TBC1D19: variants seen among roughly 807,000 people sequenced by gnomAD.
The protein encoded by TBC1D19 is TBC1 domain family, member 19.
In TBC1D19, 60 loss-of-function variants were observed where a neutral mutation model predicts 89.0. The ratio of observed to expected loss-of-function variants is 0.67; its 90% CI spans 0.55 to 0.84. The LOEUF (loss-of-function observed/expected upper bound fraction) is 0.84, where lower values mean the gene tolerates loss of function less well. TBC1D19 is among the 40% of genes least tolerant of loss of function. The pLI is 0.00. For synonymous variants in TBC1D19, 189 were observed against 199.7 expected, an observed-to-expected ratio of 0.95 and a Z score of 0.45; for missense variants, 500 against 610.8, an observed-to-expected ratio of 0.82 and a Z score of 1.91.
At chr4:26,825,437 T>C in the TBC1D19 span, among the ~76,000 whole-genome samples, 1 of 152,166 alleles carries the variant, frequency 6.6e-6, no homozygotes, top group Non-Finnish European at 1.5e-5. Context: ...AGTAACTAGG[T>C]ATATAAGGGC....
In TBC1D19 at chr4:26,605,457, T is replaced by G; in HGVS notation, c.100-7712T>G. On this transcript the variant is annotated intron_variant, in intron 1 of 20. Transcript: ENST00000264866. ...TTTTCTTTATCCAGTCTACCATTGT[T>G]GGACATTTGGGTTGGTTCCAAGTCT... Among the ~76,000 whole-genome samples the G allele has an allele frequency of 1.3e-5, 2 of 152,046 alleles. 1 individual carries two copies. Among genetic ancestry groups the G allele is most frequent in the South Asian group, 4.2e-4 (2 of 4,818 alleles).
intron 8 of TBC1D19, chr4:26,662,973 G>A (rs1464713463): frequency 6.6e-6 from 1 of 152,120 alleles, no homozygotes; most frequent in Non-Finnish European, 1.5e-5. Context: ...AGAAATGATA[G>A]TAAAGAGAAG....
chr4:26,605,608 A>G (rs949148219), intron 1 of TBC1D19, among the ~76,000 whole-genome samples: 3 of 152,246 alleles, frequency 2.0e-5, no homozygotes, highest in African/African-American at 7.2e-5. Context: ...TTCTAGTTCT[A>G]GATCCCTGAG....
At chr4:26,747,065 C>T (rs979713104) in intron 18 of TBC1D19, among the ~76,000 whole-genome samples, 2 of 152,188 alleles carry the variant, frequency 1.3e-5, no homozygotes, top group Non-Finnish European at 2.9e-5. Flanking sequence ...TGGAATTTTT[C>T]ATTTAATATT....
chr4:26,800,917 A>T, the TBC1D19 span, among the ~76,000 whole-genome samples: 1 of 152,250 alleles, frequency 6.6e-6, no homozygotes, highest in Non-Finnish European at 1.5e-5. Flanking sequence ...GCCCTTTGTC[A>T]GATGAGTAGA....
Position 26,673,812 on chromosome 4 carries a change from A to G in TBC1D19, c.740A>G (p.Tyr247Cys). The G allele has an allele frequency of 6.2e-7, 1 of 1,611,884 alleles. No homozygotes were observed. Among genetic ancestry groups the G allele is most frequent in the Non-Finnish European group, 8.5e-7 (1 of 1,178,548 alleles). The change falls in exon 11 of 21, where the codon TAC becomes TGC. Residue 247 changes from tyrosine to cysteine, a missense_variant. Physicochemically the swap from Tyr to Cys is radical, Grantham distance 194 (BLOSUM62 -2). Coordinates refer to ENST00000264866, the MANE Select transcript of TBC1D19 (RefSeq NM_018317.4). ...AEQDSAAAQQ[Y>C]IRQGSPTALR... The stretch of plus-strand genomic sequence containing the variant: ...CAAGATAGTGCTGCTGCTCAACAGT[A>G]CATCAGACAAGGAAGTCCCACGGCA...
the TBC1D19 span, among the ~76,000 whole-genome samples, chr4:26,800,903 A>G: frequency 1.6e-3 from 240 of 152,312 alleles, 1 homozygote; most frequent in African/African-American, 5.6e-3. Flanking sequence ...GATTCTGGAT[A>G]TTAGCCCTTT....
At chr4:26,835,199 T>G in the TBC1D19 span, among the ~76,000 whole-genome samples, 1 of 152,242 alleles carries the variant, frequency 6.6e-6, no homozygotes, top group Non-Finnish European at 1.5e-5. Context: ...GTCAGAATCA[T>G]AGAGAGAGTT....
At chr4:26,657,683 C>G (rs1397855658) in intron 7 of TBC1D19, among the ~76,000 whole-genome samples, 2 of 152,182 alleles carry the variant, frequency 1.3e-5, no homozygotes, top group Admixed American at 6.5e-5. Flanking sequence ...AATGGTTGAA[C>G]TAGTTTACAC....
the TBC1D19 span, among the ~76,000 whole-genome samples, chr4:26,857,525 C>T: frequency 1.3e-5 from 2 of 152,236 alleles, no homozygotes; most frequent in African/African-American, 4.8e-5. Flanking sequence ...CACTGACAGC[C>T]CGCCGCGCCC....
intron 13 of TBC1D19, among the ~76,000 whole-genome samples, chr4:26,692,537 C>T (rs921240337): frequency 6.6e-5 from 10 of 152,198 alleles, no homozygotes; most frequent in African/African-American, 2.4e-4. Context: ...GGGCAAATGA[C>T]TCAGAGATTT....
intron 13 of TBC1D19, among the ~76,000 whole-genome samples, chr4:26,707,476 A>G (rs1406526329): frequency 6.6e-6 from 1 of 151,954 alleles, no homozygotes; most frequent in Admixed American, 6.6e-5. Flanking sequence ...GTCTTTTTAA[A>G]TTTATTCTGC....
At chr4:26,601,494 G>C (rs761304250) in intron 1 of TBC1D19, among the ~76,000 whole-genome samples, 4 of 152,224 alleles carry the variant, frequency 2.6e-5, no homozygotes, top group Non-Finnish European at 4.4e-5. Flanking sequence ...GAAATGGCTA[G>C]AGATTGGGGA....
chr4:26,742,600 G>A lies in TBC1D19; in HGVS notation c.1319+1G>A. 2.5e-6 allele frequency: 4 copies of A among 1,610,062 alleles called. No homozygotes were observed. Among genetic ancestry groups the A allele is most frequent in the Non-Finnish European group, 3.4e-6 (4 of 1,177,656 alleles). On this transcript the variant is annotated splice_donor_variant, in intron 18 of 20. Coordinates refer to ENST00000264866, the MANE Select transcript of TBC1D19 (RefSeq NM_018317.4). LOFTEE classifies it high-confidence loss of function. ...ATCTACGAGAAATTGGGGCTCAACC[G>A]TGAGTACTTTTCTCTCCTAATTGAA...
intron 19 of TBC1D19, among the ~76,000 whole-genome samples, chr4:26,750,917 T>C (rs1560512707): frequency 6.6e-6 from 1 of 152,386 alleles, no homozygotes; most frequent in East Asian, 1.9e-4. Flanking sequence ...AGAAATATTT[T>C]CATAAATGTC....
intron 7 of TBC1D19, among the ~76,000 whole-genome samples, chr4:26,652,341 C>T (rs1022570994): frequency 2.0e-5 from 3 of 152,120 alleles, no homozygotes; most frequent in African/African-American, 7.2e-5. Flanking sequence ...TCCATCTGGT[C>T]CTGGACTTTT....
At chr4:26,605,502 C>T (rs1316059927) in intron 1 of TBC1D19, among the ~76,000 whole-genome samples, 2 of 151,850 alleles carry the variant, frequency 1.3e-5, no homozygotes, top group East Asian at 1.9e-4. Context: ...TGAATAGTGC[C>T]GCAGAAAACA....
At chr4:26,648,087 C>T (rs948114199) in intron 7 of TBC1D19, among the ~76,000 whole-genome samples, 1 of 152,126 alleles carries the variant, frequency 6.6e-6, no homozygotes, top group African/African-American at 2.4e-5. Flanking sequence ...TCTCAGGGTA[C>T]ACCCACATGT....
intron 11 of TBC1D19, among the ~76,000 whole-genome samples, chr4:26,677,309 G>T: frequency 6.8e-6 from 1 of 147,844 alleles, no homozygotes; most frequent in African/African-American, 2.5e-5. Context: ...CTTCAGCCTT[G>T]TTCCCTATAA....
Sources: allele counts gnomAD v4.1 joint callset (sites outside exome capture counted in the v4.1 genomes callset), GRCh38; gene constraint gnomAD v4.1.1; transcripts MANE v1.5; gene names NCBI Gene and HGNC (gene_info 2026-07-23, HGNC 2026-07-21).